Variants in APBA1 observed in about 807,000 individuals in gnomAD.
APBA1 encodes amyloid beta precursor protein binding family A member 1.
APBA1 carries 55 observed loss-of-function variants against 86.6 expected under a neutral mutation model. The ratio of observed to expected loss-of-function variants is 0.64; its 90% CI spans 0.51 to 0.80. APBA1 has a LOEUF of 0.80. Ranked by LOEUF, APBA1 falls within the 30% of genes least tolerant of loss-of-function variation. APBA1 has a pLI of 0.00. For synonymous variants in APBA1, 511 were observed against 493.9 expected (o/e 1.03, Z -0.46); for missense variants, 1,090 against 1,183.0 (o/e 0.92, Z 1.15).
chr9:69,506,324 C>A (rs906843957), intron 2 of APBA1, among the ~76,000 whole-genome samples: 5 of 146,972 alleles, frequency 3.4e-5, no homozygotes, highest in African/African-American at 1.3e-4. Flanking sequence ...CCTGGAAAAT[C>A]GGGTCACTCC....
At chr9:69,534,886 T>C (rs1361143183) in intron 1 of APBA1, among the ~76,000 whole-genome samples, 5 of 152,190 alleles carry the variant, frequency 3.3e-5, no homozygotes, top group Non-Finnish European at 5.9e-5. Flanking sequence ...AATTTCTCCT[T>C]TTCTCTCCCA....
At chr9:69,543,577 A>C (rs745544068) in intron 1 of APBA1, among the ~76,000 whole-genome samples, 4 of 152,128 alleles carry the variant, frequency 2.6e-5, no homozygotes, top group Non-Finnish European at 5.9e-5. Flanking sequence ...CTGCAATAGC[A>C]TTTCATGTTC....
At chr9:69,612,022 T>A (rs1822601331) in intron 1 of APBA1, among the ~76,000 whole-genome samples, 1 of 152,148 alleles carries the variant, frequency 6.6e-6, no homozygotes, top group Non-Finnish European at 1.5e-5. Context: ...TCAGATGGGA[T>A]TATATTTGTG....
At chr9:69,562,082 G>T (rs1268591829) in intron 1 of APBA1, among the ~76,000 whole-genome samples, 2 of 152,116 alleles carry the variant, frequency 1.3e-5, no homozygotes, top group East Asian at 3.9e-4. Flanking sequence ...CTGACTTGGT[G>T]TACTCTCAAA....
intron 1 of APBA1, among the ~76,000 whole-genome samples, chr9:69,523,732 G>A (rs1389315848): frequency 3.3e-5 from 5 of 151,510 alleles, no homozygotes; most frequent in Non-Finnish European, 7.4e-5. Flanking sequence ...GGACCTAAAA[G>A]ACATCTACGG....
chr9:69,541,866 A>G (rs1374881670), intron 1 of APBA1, among the ~76,000 whole-genome samples: 2 of 152,090 alleles, frequency 1.3e-5, no homozygotes, highest in African/African-American at 4.8e-5. Context: ...AAAGTAATTT[A>G]TTTCCTCTTG....
rs1302311484 is a variant in APBA1 at position 69,431,267 on chromosome 9, A to T, written c.*60T>A. 5 of 1,380,260 alleles carry T rather than the reference A, an allele frequency of 3.6e-6. No individual in the cohort carries two copies. Among genetic ancestry groups the T allele is most frequent in the Non-Finnish European group, 4.9e-6 (5 of 1,011,228 alleles). The allele number at this position is 1,380,260 out of a possible 1,614,324, so 85.5% of individuals were successfully genotyped here. Reference sequence around the variant, plus strand: ...GTCTCAGTGGACACAGGGATGCAGCACGAGAAACACAACCACGAAGAGGAG... The same window carrying T: ...GTCTCAGTGGACACAGGGATGCAGCTCGAGAAACACAACCACGAAGAGGAG... On this transcript the variant is annotated 3_prime_UTR_variant, in exon 13 of 13. Coordinates refer to ENST00000265381, the MANE Select transcript of APBA1 (RefSeq NM_001163.4).
intron 3 of APBA1, among the ~76,000 whole-genome samples, chr9:69,473,391 C>A (rs1835394532): frequency 1.3e-5 from 2 of 152,276 alleles, no homozygotes; most frequent in Admixed American, 6.5e-5. Flanking sequence ...ATTTCCCAAC[C>A]ATTTCCCTAC....
At chr9:69,545,279 G>A (rs1046959839) in intron 1 of APBA1, among the ~76,000 whole-genome samples, 1 of 152,160 alleles carries the variant, frequency 6.6e-6, no homozygotes, top group African/African-American at 2.4e-5. Context: ...GGGAGACTGG[G>A]ACAAAAAGCC....
At chr9:69,672,475 G>T (rs1445050281), upstream of APBA1, among the ~76,000 whole-genome samples, 1 of 148,596 alleles carries the variant, frequency 6.7e-6, no homozygotes, top group Non-Finnish European at 1.5e-5. Context: ...AGGGCGCGGG[G>T]GAGCGCGCGC....
chr9:69,470,385 A>G (rs1466547361), intron 4 of APBA1, among the ~76,000 whole-genome samples: 4 of 152,188 alleles, frequency 2.6e-5, no homozygotes, highest in African/African-American at 9.7e-5. Flanking sequence ...GAGGGAGCAC[A>G]CATGTGACAT....
intron 1 of APBA1, among the ~76,000 whole-genome samples, chr9:69,576,902 T>C (rs993622916): frequency 6.6e-6 from 1 of 152,166 alleles, no homozygotes; most frequent in Non-Finnish European, 1.5e-5. Flanking sequence ...CTATAAAATA[T>C]AAAATATTGT....
rs148675736 is a variant in APBA1 at position 69,659,373 on chromosome 9, A to G, written c.-70+12780T>C. Among the ~76,000 whole-genome samples the G allele has an allele frequency of 2.2e-3, 330 of 152,342 alleles. 1 individual carries two copies. Among genetic ancestry groups the G allele is most frequent in the African/African-American group, 7.4e-3 (309 of 41,576 alleles). On this transcript the variant is annotated intron_variant, in intron 1 of 12. Transcript: ENST00000265381. The stretch of plus-strand genomic sequence containing the variant: ...AGATTCACTGTACAGATATCATAAT[A>G]AATGACACCTGAATCATCCACTTTC...
intron 10 of APBA1, among the ~76,000 whole-genome samples, chr9:69,445,893 A>G (rs1237349732): frequency 6.6e-6 from 1 of 152,142 alleles, no homozygotes; most frequent in African/African-American, 2.4e-5. Flanking sequence ...CCCCGCCGCA[A>G]AGCCTGCCAA....
chr9:69,672,511 C>T (rs1823975600), upstream of APBA1, among the ~76,000 whole-genome samples: 1 of 147,416 alleles, frequency 6.8e-6, no homozygotes, highest in Non-Finnish European at 1.5e-5. Context: ...TAGTAGCGCC[C>T]CTGCCTCCCT....
At chr9:69,458,671 T>A (rs2133817967) in intron 5 of APBA1, among the ~76,000 whole-genome samples, 1 of 152,330 alleles carries the variant, frequency 6.6e-6, no homozygotes, top group South Asian at 2.1e-4. Flanking sequence ...TTCCACAGAT[T>A]TTTGTGTTTC....
chr9:69,517,258 G>C lies in APBA1; in HGVS notation c.-48C>G, dbSNP rs1291864894. On this transcript the variant is annotated 5_prime_UTR_variant, in exon 2 of 13. Transcript: ENST00000265381. ...AGAGAAGCTGGGCCCGGCTCACTGCGCTCTCATTTTGCTCCACTGGGCTGG... is the reference window on the plus strand; with the variant it reads ...AGAGAAGCTGGGCCCGGCTCACTGCCCTCTCATTTTGCTCCACTGGGCTGG... The C allele has an allele frequency of 1.8e-5, 25 of 1,419,332 alleles. No individual in the cohort carries two copies. The highest frequency in any genetic ancestry group is 6.2e-5 in the Admixed American group (2 of 32,014). 87.9% of individuals were successfully genotyped at this position (1,419,332 alleles called of 1,614,324 possible).
chr9:69,563,830 C>T (rs954735187), intron 1 of APBA1, among the ~76,000 whole-genome samples: 6 of 152,114 alleles, frequency 3.9e-5, no homozygotes, highest in Non-Finnish European at 8.8e-5. Context: ...CTGATTATTT[C>T]CATAGCACTC....
At chr9:69,637,795 A>C (rs1823211498) in intron 1 of APBA1, among the ~76,000 whole-genome samples, 2 of 152,260 alleles carry the variant, frequency 1.3e-5, no homozygotes, top group African/African-American at 4.8e-5. Flanking sequence ...GACAATTATG[A>C]AAAATAAATG....
Sources: allele counts gnomAD v4.1 joint callset (sites outside exome capture counted in the v4.1 genomes callset), GRCh38; gene constraint gnomAD v4.1.1; transcripts MANE v1.5; gene names NCBI Gene and HGNC (gene_info 2026-07-23, HGNC 2026-07-21).